The following SHISA6 variants were observed in gnomAD, a reference collection of about 807,000 sequenced individuals.
The protein encoded by SHISA6 is protein shisa-6.
A neutral mutation model predicts 47.9 loss-of-function variants in SHISA6; 22 were observed. That is an observed-to-expected ratio of 0.46 (90% CI 0.33 to 0.66). SHISA6 has a LOEUF of 0.66. Ranked by LOEUF, SHISA6 falls within the 30% of genes least tolerant of loss-of-function variation. The pLI is 0.02. For synonymous variants in SHISA6, 388 were observed against 337.8 expected (o/e 1.15, Z -1.63); for missense variants, 680 against 764.6 (o/e 0.89, Z 1.30).
In SHISA6 at chr17:11,455,988, T is replaced by C. The variant is rs372339616; in HGVS notation, c.895+76479T>C. ...AGATGTTCAAATATATGGAAGTCCA[T>C]ATTGTCTTAACAGCACCCAGACCTG... is the stretch of plus-strand genomic sequence containing the variant. On this transcript the variant is annotated intron_variant, in intron 3 of 5. Coordinates refer to ENST00000441885, the MANE Select transcript of SHISA6 (RefSeq NM_207386.4). Among the ~76,000 whole-genome samples the C allele has an allele frequency of 6.9e-5, 10 of 145,288 alleles. No individual in the cohort carries two copies. The South Asian group carries it at 1.1e-3, about 16-fold the overall frequency.
At chr17:11,484,723 A>AC (rs1490694652) in intron 3 of SHISA6, among the ~76,000 whole-genome samples, 3 of 152,210 alleles carry the variant, frequency 2.0e-5, no homozygotes, top group African/African-American at 7.2e-5. Flanking sequence ...GTTAATATCC[A>AC]CAAAAGAGAA....
intron 3 of SHISA6, among the ~76,000 whole-genome samples, chr17:11,536,133 T>C (rs190977836): frequency 1.2e-4 from 19 of 152,226 alleles, no homozygotes; most frequent in African/African-American, 4.3e-4. Context: ...CAGAATTTCT[T>C]CCAGTTGGTA....
intron 2 of SHISA6, among the ~76,000 whole-genome samples, chr17:11,325,868 T>A (rs901244798): frequency 6.6e-6 from 1 of 152,144 alleles, no homozygotes; most frequent in African/African-American, 2.4e-5. Context: ...CAATCTCTAG[T>A]TAACAATGCC....
At chr17:11,502,894 T>C (rs773493640) in intron 3 of SHISA6, among the ~76,000 whole-genome samples, 27 of 152,148 alleles carry the variant, frequency 1.8e-4, no homozygotes, top group Admixed American at 7.9e-4. Flanking sequence ...TTTGGATGGG[T>C]TTGGGCACAG....
intron 2 of SHISA6, among the ~76,000 whole-genome samples, chr17:11,364,295 G>A (rs533689568): frequency 6.6e-6 from 1 of 152,256 alleles, no homozygotes; most frequent in East Asian, 1.9e-4. Context: ...AACCCCCAGA[G>A]GTAGCTACTA....
At chr17:11,372,508 T>G (rs1355227821) in intron 2 of SHISA6, among the ~76,000 whole-genome samples, 1 of 152,234 alleles carries the variant, frequency 6.6e-6, no homozygotes, top group Non-Finnish European at 1.5e-5. Flanking sequence ...TAAATATCCA[T>G]TAGCCTTTTA....
chr17:11,444,459 A>G (rs1463958540), intron 3 of SHISA6, among the ~76,000 whole-genome samples: 1 of 152,236 alleles, frequency 6.6e-6, no homozygotes, highest in Non-Finnish European at 1.5e-5. Context: ...TTGAGGGATT[A>G]TGGAGAAACC....
intron 2 of SHISA6, among the ~76,000 whole-genome samples, chr17:11,362,727 A>G (rs1320169766): frequency 6.6e-6 from 1 of 152,222 alleles, no homozygotes; most frequent in Non-Finnish European, 1.5e-5. Context: ...GTTCAATTAA[A>G]TGAGATTTTA....
At chr17:11,314,715 T>G (rs747196956) in intron 2 of SHISA6, among the ~76,000 whole-genome samples, 2 of 152,034 alleles carry the variant, frequency 1.3e-5, no homozygotes, top group Non-Finnish European at 2.9e-5. Context: ...TTGTTTTTTA[T>G]TTTTAGTAGA....
At chr17:11,328,695 C>T (rs1910997155) in intron 2 of SHISA6, among the ~76,000 whole-genome samples, 1 of 152,060 alleles carries the variant, frequency 6.6e-6, no homozygotes, top group Non-Finnish European at 1.5e-5. Flanking sequence ...ATCTTACATT[C>T]TGAGGAGAAT....
At chr17:11,398,656 G>T (rs1033582608) in intron 3 of SHISA6, among the ~76,000 whole-genome samples, 10 of 151,818 alleles carry the variant, frequency 6.6e-5, no homozygotes, top group Non-Finnish European at 1.3e-4. Flanking sequence ...ACAGTAGCGC[G>T]ATCTCAGCTC....
At chr17:11,327,788 C>T (rs1322632309) in intron 2 of SHISA6, among the ~76,000 whole-genome samples, 1 of 152,140 alleles carries the variant, frequency 6.6e-6, no homozygotes, top group Non-Finnish European at 1.5e-5. Flanking sequence ...CAGAGTGAGG[C>T]TCCATCTCAA....
rs1196463147 is a variant in SHISA6 at position 11,350,437 on chromosome 17, C to T, written c.800-28977C>T. Among the ~76,000 whole-genome samples the T allele has an allele frequency of 2.6e-5, 4 of 151,904 alleles. No individual in the cohort carries two copies. The East Asian group carries it at 5.8e-4, about 22-fold the overall frequency. ...CCTTGTGATCCACCCACCTCAGACT[C>T]CCAAAGTGCTGAGATTACAGGCATG... On this transcript the variant is annotated intron_variant, in intron 2 of 5. Transcript: ENST00000441885.
intron 3 of SHISA6, among the ~76,000 whole-genome samples, chr17:11,412,302 G>A (rs8068118): frequency 0.19 from 28,782 of 152,114 alleles, 2,951 homozygotes; most frequent in Middle Eastern, 0.27. Flanking sequence ...GCATACTGTA[G>A]TGTTAAGTAA....
chr17:11,304,957 T>C (rs2142180749), intron 2 of SHISA6, among the ~76,000 whole-genome samples: 1 of 152,320 alleles, frequency 6.6e-6, no homozygotes, highest in East Asian at 1.9e-4. Context: ...GACCGCATGT[T>C]TCGATGCACA....
chr17:11,337,398 A>G (rs535167711), intron 2 of SHISA6, among the ~76,000 whole-genome samples: 5 of 152,266 alleles, frequency 3.3e-5, no homozygotes, highest in Middle Eastern at 3.4e-3. Flanking sequence ...ATGATTTGCC[A>G]TGCACTTCGG....
intron 1 of SHISA6, among the ~76,000 whole-genome samples, chr17:11,260,962 C>T (rs930679111): frequency 7.9e-5 from 12 of 152,114 alleles, no homozygotes; most frequent in Non-Finnish European, 5.9e-5. Context: ...TTCTTTCCTA[C>T]GGTTAGAAAG....
chr17:11,497,747 T>C (rs966551589), intron 3 of SHISA6, among the ~76,000 whole-genome samples: 4 of 152,172 alleles, frequency 2.6e-5, no homozygotes, highest in African/African-American at 9.7e-5. Context: ...TTCCATTCCT[T>C]CTGCCTCTAA....
intron 2 of SHISA6, among the ~76,000 whole-genome samples, chr17:11,361,724 A>G (rs553665658): frequency 1.8e-4 from 27 of 152,332 alleles, no homozygotes; most frequent in African/African-American, 6.0e-4. Flanking sequence ...GAATATGGGT[A>G]TTTGTTAATT....
Sources: gnomAD v4.1 joint callset for allele counts (sites outside exome capture counted in the v4.1 genomes callset) on GRCh38, gnomAD v4.1.1 for gene constraint, MANE v1.5 for transcripts, NCBI Gene and HGNC (gene_info 2026-07-23, HGNC 2026-07-21) for gene names.